MYO9A: variants seen among roughly 807,000 people sequenced by gnomAD.
The protein encoded by MYO9A is unconventional myosin-IXa.
MYO9A carries 103 observed loss-of-function variants against 293.3 expected under a neutral mutation model. The observed-to-expected ratio is 0.35, with a 90% CI of 0.30 to 0.41. The LOEUF (loss-of-function observed/expected upper bound fraction) is 0.41, where lower values mean the gene tolerates loss of function less well. Ranked by LOEUF, MYO9A falls within the 10% of genes least tolerant of loss-of-function variation. The pLI, the probability that MYO9A is intolerant of heterozygous loss-of-function variation, is 1.00. For missense variants in MYO9A, 2,685 were observed against 3,033.0 expected, an observed-to-expected ratio of 0.89 and a Z score of 2.69; for synonymous variants, 1,001 against 1,035.7, an observed-to-expected ratio of 0.97 and a Z score of 0.64.
At chr15:71,877,465 CT>C (rs965973674) in intron 31 of MYO9A, among the ~76,000 whole-genome samples, 24 of 149,150 alleles carry the variant, frequency 1.6e-4, no homozygotes, top group East Asian at 3.9e-4. Context: ...ATACTTATCT[CT>C]TTTTTTTTTA....
chr15:72,061,586 G>C (rs2078880231), intron 1 of MYO9A, among the ~76,000 whole-genome samples: 1 of 152,032 alleles, frequency 6.6e-6, no homozygotes, highest in Admixed American at 6.6e-5. Context: ...GGTAGCCACA[G>C]GGAGAGACTC....
intron 12 of MYO9A, among the ~76,000 whole-genome samples, chr15:71,976,557 G>A (rs748554719): frequency 6.6e-6 from 1 of 151,994 alleles, no homozygotes; most frequent in African/African-American, 2.4e-5. Flanking sequence ...CAACCACAAC[G>A]GTTCTCAACA....
Position 71,897,603 on chromosome 15 carries a change from A to G in MYO9A, c.4900T>C (p.Cys1634Arg). Residue 1634 changes from cysteine to arginine, a missense_variant, in exon 25 of 42, where the codon TGT becomes CGT. This residue lies in a region of MYO9A where 1,434 missense variants were observed against 1,497.7 expected (regional missense o/e 0.96). Transcript: ENST00000356056. ...DRMGTQLNVACKLSNNRISKR... is the reference protein window; with the variant it reads ...DRMGTQLNVARKLSNNRISKR... ...GAAATGCGATTATTTGAGAGTTTAC[A>G]GGCTACATTCAGCTGGGTGCCCATT... The G allele has an allele frequency of 1.2e-6, 2 of 1,614,192 alleles. No homozygotes were observed. The highest frequency in any genetic ancestry group is 1.7e-6 in the Non-Finnish European group (2 of 1,180,034).
chr15:72,053,201 A>G (rs1245921500), intron 1 of MYO9A, among the ~76,000 whole-genome samples: 1 of 152,062 alleles, frequency 6.6e-6, no homozygotes, highest in Non-Finnish European at 1.5e-5. Flanking sequence ...GGAGATCGAG[A>G]CCAGCCTGGC....
At chr15:71,935,697 T>C (rs1216543832) in intron 16 of MYO9A, among the ~76,000 whole-genome samples, 1 of 152,182 alleles carries the variant, frequency 6.6e-6, no homozygotes, top group Non-Finnish European at 1.5e-5. Context: ...CATATTCACA[T>C]ACAAACGTGC....
chr15:72,086,932 A>C (rs2079755635), intron 1 of MYO9A, among the ~76,000 whole-genome samples: 1 of 151,898 alleles, frequency 6.6e-6, no homozygotes, highest in Admixed American at 6.6e-5. Context: ...ACACCCAGCT[A>C]ATTTTGTATT....
chr15:71,869,225 T>C (rs992790523), intron 32 of MYO9A, among the ~76,000 whole-genome samples: 2 of 152,198 alleles, frequency 1.3e-5, no homozygotes, highest in African/African-American at 4.8e-5. Context: ...GGGAAAATAG[T>C]ATCTTTGCTG....
Position 71,897,486 on chromosome 15 carries a change from G to C in MYO9A, c.5017C>G (p.Pro1673Ala). The change falls in exon 25 of 42, where the codon CCA becomes GCA. Residue 1673 changes from proline (P) to alanine (A), a missense_variant. By Grantham distance (27) the Pro-to-Ala change is conservative (BLOSUM62 -1). Transcript: ENST00000356056. Reference protein sequence around the residue: ...EGNARPIFFTPKDNMSIPLVS... With the variant: ...EGNARPIFFTAKDNMSIPLVS... ...AGGGGAATACTCATATTGTCCTTTG[G>C]AGTGAAGAAAATGGGCCTAGCATTT... 1 of 1,613,148 alleles carries C rather than the reference G, an allele frequency of 6.2e-7. No individual in the cohort carries two copies.
intron 1 of MYO9A, among the ~76,000 whole-genome samples, chr15:72,070,755 C>T (rs2079166583): frequency 6.6e-6 from 1 of 152,092 alleles, no homozygotes; most frequent in African/African-American, 2.4e-5. Flanking sequence ...AGCCACATAC[C>T]TACAACCAAC....
chr15:72,010,669 C>G (rs1463049762), intron 6 of MYO9A, among the ~76,000 whole-genome samples: 1 of 152,236 alleles, frequency 6.6e-6, no homozygotes, highest in East Asian at 1.9e-4. Flanking sequence ...TACTTTTGTT[C>G]TCCCTTTCAC....
At chr15:71,991,839 T>C (rs1430377002) in intron 10 of MYO9A, among the ~76,000 whole-genome samples, 1 of 152,234 alleles carries the variant, frequency 6.6e-6, no homozygotes, top group Non-Finnish European at 1.5e-5. Flanking sequence ...CTGTAACCTC[T>C]GCCACCGGGG....
chr15:71,915,463 A>C (rs4777471), intron 19 of MYO9A, among the ~76,000 whole-genome samples: 2 of 151,094 alleles, frequency 1.3e-5, no homozygotes, highest in South Asian at 4.2e-4. Flanking sequence ...GATGTGACCA[A>C]ATAGCCTGCA....
intron 26 of MYO9A, chr15:71,892,135 A>T (rs2057195369): frequency 1.3e-5 from 2 of 152,212 alleles, no homozygotes; most frequent in Non-Finnish European, 2.9e-5. Context: ...ATACCCATCA[A>T]TATACTATAA....
chr15:72,078,947 G>A (rs2079453384), intron 1 of MYO9A, among the ~76,000 whole-genome samples: 1 of 152,206 alleles, frequency 6.6e-6, no homozygotes, highest in Non-Finnish European at 1.5e-5. Flanking sequence ...AGAAGACAGT[G>A]GTTGAAAAGC....
At chr15:72,037,818 A>G (rs2078102623) in intron 2 of MYO9A, among the ~76,000 whole-genome samples, 1 of 152,172 alleles carries the variant, frequency 6.6e-6, no homozygotes, top group Non-Finnish European at 1.5e-5. Context: ...AAAAAGTACA[A>G]AAGTATGGGC....
At chr15:72,003,778 T>C (rs151060888) in intron 8 of MYO9A, among the ~76,000 whole-genome samples, 8 of 150,456 alleles carry the variant, frequency 5.3e-5, no homozygotes, top group East Asian at 3.9e-4. Context: ...TAGAAAAACA[T>C]AGATCATCCA....
Position 71,999,937 on chromosome 15 carries a change from T to C in MYO9A, c.1384A>G (p.Lys462Glu). The C allele has an allele frequency of 1.2e-6, 2 of 1,609,444 alleles. No homozygotes were observed. Among genetic ancestry groups the C allele is most frequent in the Non-Finnish European group, 1.7e-6 (2 of 1,177,950 alleles). The change falls in exon 9 of 42, where the codon AAA (lysine) becomes GAA (glutamate). Residue 462 changes from lysine to glutamate, a missense_variant. Lys to Glu is a moderately conservative substitution (Grantham distance 56, BLOSUM62 1). Around this residue, in one of 10 missense-constraint regions of MYO9A, gnomAD observed 289 missense variants for 456.8 expected, o/e 0.63. Coordinates refer to ENST00000356056, the MANE Select transcript of MYO9A (RefSeq NM_006901.4). Reference protein sequence around the residue: ...LPIVSELLEVKEEMLFEALVT... With the variant: ...LPIVSELLEVEEEMLFEALVT... ...AATGCTTCAAATAGCATCTCTTCTT[T>C]AACCTATAAAACAGAAAAGTAAACT...
intron 3 of MYO9A, among the ~76,000 whole-genome samples, chr15:72,028,042 C>A (rs996632802): frequency 6.7e-6 from 1 of 150,142 alleles, no homozygotes; most frequent in African/African-American, 2.5e-5. Context: ...TAATAAAATA[C>A]AAAAATTAGC....
Position 71,875,971 on chromosome 15 carries a change from T to C in MYO9A, c.5932-133A>G, listed in dbSNP as rs561698821. Reference sequence around the variant, plus strand: ...CATTTCTTTATTCTCCAAGAGGAACTGTGCAGTGCTAATAAGCAAATGTGA... The same window carrying C: ...CATTTCTTTATTCTCCAAGAGGAACCGTGCAGTGCTAATAAGCAAATGTGA... On this transcript the variant is annotated intron_variant, in intron 31 of 41. Coordinates refer to ENST00000356056, the MANE Select transcript of MYO9A (RefSeq NM_006901.4). 4 of 447,094 alleles carry C rather than the reference T, an allele frequency of 8.9e-6. No homozygotes were observed. In the Admixed American group the frequency reaches 1.3e-4, roughly 15 times the overall value. The allele number at this position is 447,094 out of a possible 1,614,324, so 27.7% of individuals were successfully genotyped here.
Sources: allele counts gnomAD v4.1 joint callset (sites outside exome capture counted in the v4.1 genomes callset), GRCh38; gene constraint gnomAD v4.1.1; regional missense constraint gnomAD v4.1.1; transcripts MANE v1.5; gene names NCBI Gene and HGNC (gene_info 2026-07-23, HGNC 2026-07-21).